FRMPD4: variants seen among roughly 807,000 people sequenced by gnomAD.
The protein encoded by FRMPD4 is FERM and PDZ domain containing 4, also known as FERM and PDZ domain-containing protein 4.
FRMPD4 carries 22 observed loss-of-function variants against 94.1 expected under a neutral mutation model. The observed-to-expected ratio is 0.23, with a 90% CI of 0.17 to 0.33. FRMPD4 has a LOEUF of 0.33. FRMPD4 is among the 10% of genes least tolerant of loss of function. FRMPD4 has a pLI of 1.00. For synonymous variants in FRMPD4, 631 were observed against 548.6 expected (o/e 1.15, Z -2.10); for missense variants, 1,111 against 1,339.9 (o/e 0.83, Z 2.67).
rs748081411 is a variant in FRMPD4, at chrX:12,473,863, A to G, written c.42-24817A>G. Reference sequence around the variant, plus strand: ...AGACTTAGACTCCCACACAATAATAATGGGAGACTTTAACACCCCACTGTC... The same window carrying G: ...AGACTTAGACTCCCACACAATAATAGTGGGAGACTTTAACACCCCACTGTC... On this transcript the variant is annotated intron_variant, in intron 1 of 16. Coordinates refer to ENST00000675598, the MANE Select transcript of FRMPD4 (RefSeq NM_001368397.1). Among the ~76,000 whole-genome samples, 20 of 109,772 alleles carry G rather than the reference A, an allele frequency of 1.8e-4. 1 individual carries two copies. Among genetic ancestry groups the G allele is most frequent in the African/African-American group, 6.9e-4 (20 of 28,985 alleles).
chrX:12,535,721 T>C (rs60058171), intron 2 of FRMPD4, among the ~76,000 whole-genome samples: 6,932 of 111,929 alleles, frequency 0.062, 522 homozygotes, highest in African/African-American at 0.22. Flanking sequence ...TGGAACACAG[T>C]CACACCCATT....
chrX:12,458,529 G>T (rs763822389), intron 1 of FRMPD4, among the ~76,000 whole-genome samples: 2 of 112,172 alleles, frequency 1.8e-5, no homozygotes, highest in South Asian at 7.5e-4. Context: ...TGTCACTTAT[G>T]TGACTACATG....
rs2042230669 is a variant in FRMPD4, at chrX:12,721,098, G to A, written c.4529G>A (p.Gly1510Glu). Residue 1510 changes from glycine to glutamate, a missense_variant, in exon 17 of 17, where the codon GGG becomes GAG. This residue lies in a region of FRMPD4 where 551 missense variants were observed against 591.6 expected (regional missense o/e 0.93). Coordinates refer to ENST00000675598, the MANE Select transcript of FRMPD4 (RefSeq NM_001368397.1). The part of the protein sequence containing the change: ...GPFSYCFLNR[G>E]QDEDGEEEEE... The stretch of plus-strand genomic sequence containing the variant: ...TTCAGCTATTGCTTCCTGAACCGAG[G>A]GCAGGATGAAGATGGTGAGGAAGAA... 7 of 754,619 alleles carry A rather than the reference G, an allele frequency of 9.3e-6. No individual in the cohort carries two copies. Among genetic ancestry groups the A allele is most frequent in the Non-Finnish European group, 1.1e-5 (7 of 639,220 alleles). 62.2% of individuals were successfully genotyped at this position (754,619 alleles called of 1,213,427 possible).
chrX:12,124,530 T>C (rs1300727754), intron 3 of FRMPD4, among the ~76,000 whole-genome samples: 3 of 112,018 alleles, frequency 2.7e-5, no homozygotes, highest in Non-Finnish European at 5.6e-5. Flanking sequence ...AATTAAATGT[T>C]TACAAAACTT....
chrX:11,840,534 A>G (rs769420167), intron 1 of FRMPD4, among the ~76,000 whole-genome samples: 1 of 109,216 alleles, frequency 9.2e-6, no homozygotes, highest in South Asian at 3.9e-4. Flanking sequence ...ATCTCTCTGT[A>G]TGTGAATATG....
At chrX:12,123,115 TTTC>T (rs2055469403) in intron 3 of FRMPD4, among the ~76,000 whole-genome samples, 1 of 83,324 alleles carries the variant, frequency 1.2e-5, no homozygotes, top group African/African-American at 5.3e-5. Context: ...ATAGCTTGAT[TTTC>T]TTTTCTTTTT....
At chrX:12,630,502 G>T (rs1044130960) in intron 4 of FRMPD4, among the ~76,000 whole-genome samples, 6 of 112,269 alleles carry the variant, frequency 5.3e-5, no homozygotes, top group African/African-American at 1.9e-4. Context: ...GAAGAGAAAT[G>T]AAGCAGAGGC....
At chrX:12,604,773 C>T in intron 2 of FRMPD4, among the ~76,000 whole-genome samples, 1 of 111,390 alleles carries the variant, frequency 9.0e-6, no homozygotes, top group Non-Finnish European at 1.9e-5. Context: ...GGTATTAAGC[C>T]TAGTACCCAT....
rs774136672 is a variant in FRMPD4 at position 12,674,317 on chromosome X, C to T, written c.423-546C>T. Among the ~76,000 whole-genome samples, 14 of 111,498 alleles carry T rather than the reference C, an allele frequency of 1.3e-4. 1 individual carries two copies. Among genetic ancestry groups the T allele is most frequent in the East Asian group, 1.1e-3 (4 of 3,570 alleles). On this transcript the variant is annotated intron_variant, in intron 4 of 16. Coordinates refer to ENST00000675598, the MANE Select transcript of FRMPD4 (RefSeq NM_001368397.1). ...TTACTAAGCCACACAGTATGGGAAC[C>T]GATGTTTGCTGGGATGCTATTTTTT...
intron 2 of FRMPD4, among the ~76,000 whole-genome samples, chrX:12,594,496 C>T (rs901788218): frequency 1.0e-4 from 11 of 110,225 alleles, no homozygotes; most frequent in Non-Finnish European, 1.7e-4. Flanking sequence ...AGTGCAGTGG[C>T]GGGGTCTCGG....
chrX:12,419,068 C>T (rs1029813193), intron 1 of FRMPD4, among the ~76,000 whole-genome samples: 8 of 111,150 alleles, frequency 7.2e-5, no homozygotes, highest in Non-Finnish European at 1.1e-4. Flanking sequence ...TCTAATATTC[C>T]CTATGCTTTT....
intron 2 of FRMPD4, among the ~76,000 whole-genome samples, chrX:12,607,439 T>G (rs16986979): frequency 0.031 from 3,424 of 111,816 alleles, 137 homozygotes; most frequent in African/African-American, 0.11. Flanking sequence ...TGTGACCCAT[T>G]CAGTGACACA....
intron 3 of FRMPD4, among the ~76,000 whole-genome samples, chrX:11,895,815 A>C (rs1411160788): frequency 8.9e-6 from 1 of 111,824 alleles, no homozygotes; most frequent in East Asian, 2.8e-4. Context: ...ACCTCACATA[A>C]GTTGTTTTCT....
At chrX:12,223,931 G>A (rs917199686) in intron 1 of FRMPD4, among the ~76,000 whole-genome samples, 1 of 111,249 alleles carries the variant, frequency 9.0e-6, no homozygotes, top group African/African-American at 3.3e-5. Context: ...TTACATAATT[G>A]TATCGTTTAG....
At position 11,953,964 on chromosome X, in the gene FRMPD4, T is replaced by C. The variant is rs146237267; in HGVS notation, c.95+75946T>C. Among the ~76,000 whole-genome samples, 6 of 112,464 alleles carry C rather than the reference T, an allele frequency of 5.3e-5. No individual in the cohort carries two copies. In the East Asian group the frequency reaches 1.4e-3, roughly 26 times the overall value. On this transcript the variant is annotated intron_variant, in intron 3 of 18. Transcript: ENST00000640291. ...GGTTAAGAAGAGTGGTTCTGTGTAG[T>C]AAGCCCTTCCTCTGGACACCAAAGG...
chrX:12,365,117 G>C (rs770574030), intron 1 of FRMPD4, among the ~76,000 whole-genome samples: 2 of 112,518 alleles, frequency 1.8e-5, no homozygotes, highest in East Asian at 5.6e-4. Context: ...GGGGTAGATG[G>C]GAAGCAGAAA....
chrX:12,553,435 T>C (rs1186272805), intron 2 of FRMPD4, among the ~76,000 whole-genome samples: 1 of 18,581 alleles, frequency 5.4e-5, no homozygotes, highest in African/African-American at 3.0e-4. Flanking sequence ...TCCATATGCC[T>C]ATATATATAT....
chrX:11,853,104 A>G (rs1047043532), intron 1 of FRMPD4, among the ~76,000 whole-genome samples: 5 of 112,243 alleles, frequency 4.5e-5, no homozygotes, highest in Admixed American at 1.9e-4. Flanking sequence ...ACTCAAAACC[A>G]TACATTTACA....
chrX:12,330,277 G>T (rs12392914), intron 1 of FRMPD4, among the ~76,000 whole-genome samples: 1 of 110,834 alleles, frequency 9.0e-6, no homozygotes, highest in Non-Finnish European at 1.9e-5. Flanking sequence ...ACCATATCCC[G>T]TGATAATGTC....
Sources: allele counts gnomAD v4.1 joint callset (sites outside exome capture counted in the v4.1 genomes callset), GRCh38; gene constraint gnomAD v4.1.1; regional missense constraint gnomAD v4.1.1; transcripts MANE v1.5; gene names NCBI Gene and HGNC (gene_info 2026-07-23, HGNC 2026-07-21).